Variants in UTP4 observed in about 807,000 individuals in gnomAD.
The protein encoded by UTP4 is U3 small nucleolar RNA-associated protein 4 homolog.
Under a neutral mutation model 82.4 loss-of-function variants are expected in UTP4, and 45 were observed. That is an observed-to-expected ratio of 0.55 (90% CI 0.43 to 0.70). The LOEUF is 0.70. Ranked by LOEUF, UTP4 falls within the 30% of genes least tolerant of loss-of-function variation. The pLI is 0.00. For synonymous variants in UTP4, 348 were observed against 300.3 expected (o/e 1.16, Z -1.64); for missense variants, 819 against 858.3 (o/e 0.95, Z 0.57).
chr16:69,143,438 G>A (rs767200504), intron 6 of UTP4, 49 bp downstream of exon 6: 1 of 1,549,678 alleles, frequency 6.5e-7, no homozygotes, highest in Non-Finnish European at 8.9e-7. Context: ...CTTGTGGGGT[G>A]AGTTGAGAAA....
chr16:69,161,157 A>T (rs890593413), intron 13 of UTP4, among the ~76,000 whole-genome samples: 1 of 152,178 alleles, frequency 6.6e-6, no homozygotes, highest in Non-Finnish European at 1.5e-5. Context: ...TTGCCTTGTA[A>T]TCTCAAGGTA....
Position 69,154,431 on chromosome 16 carries a change from G to A in UTP4, c.1138G>A (p.Asp380Asn), listed in dbSNP as rs764769648. ...TACTCTTCCACTCTCTAAAAATGCA[G>A]ATCATTTACTGCACCTAAAGACAAA... ...GDTLPLSKNA[D>N]HLLHLKTKGP... The change falls in exon 10 of 17, where the codon GAT becomes AAT. Residue 380 changes from aspartate (D) to asparagine (N), a missense_variant. Physicochemically the swap from Asp to Asn is conservative, Grantham distance 23 (BLOSUM62 1). Coordinates refer to ENST00000314423, the MANE Select transcript of UTP4 (RefSeq NM_032830.3). 5 of 1,613,202 alleles carry A rather than the reference G, an allele frequency of 3.1e-6. No homozygotes were observed. The highest frequency in any genetic ancestry group is 4.2e-6 in the Non-Finnish European group (5 of 1,179,238).
intron 9 of UTP4, 30 bp downstream of exon 9, chr16:69,153,710 G>C (rs778363534): frequency 7.0e-6 from 10 of 1,420,636 alleles, no homozygotes; most frequent in Non-Finnish European, 8.9e-6. Flanking sequence ...TTTTCAATAA[G>C]AAAACTGGAG....
At chr16:69,163,298 C>T (rs1963611345) in intron 14 of UTP4, 120 bp downstream of exon 14, 1 of 821,368 alleles carries the variant, frequency 1.2e-6, no homozygotes. Flanking sequence ...AGGTAGTTTT[C>T]TCCTGTGTGA....
At chr16:69,165,563 G>A (rs748198907) in intron 15 of UTP4, 37 bp downstream of exon 15, 7 of 1,556,200 alleles carry the variant, frequency 4.5e-6, no homozygotes, top group South Asian at 2.2e-5. Flanking sequence ...ATCTTCTTCT[G>A]AATCTTAAAG....
At chr16:69,161,453 A>G (rs1963560143) in intron 13 of UTP4, among the ~76,000 whole-genome samples, 1 of 152,240 alleles carries the variant, frequency 6.6e-6, no homozygotes, top group Admixed American at 6.5e-5. Context: ...CTTGCCTGGC[A>G]TTTAAAGAGT....
intron 2 of UTP4, among the ~76,000 whole-genome samples, chr16:69,136,123 A>C (rs756937720): frequency 3.3e-5 from 5 of 152,286 alleles, no homozygotes; most frequent in Non-Finnish European, 7.3e-5. Context: ...ACTTTTGGCA[A>C]CCTACTTAAC....
intron 8 of UTP4, among the ~76,000 whole-genome samples, chr16:69,152,043 T>C (rs1039691889): frequency 1.3e-5 from 2 of 150,918 alleles, no homozygotes; most frequent in African/African-American, 4.9e-5. Context: ...AACAGCTCTA[T>C]TGAGGCATAC....
intron 13 of UTP4, among the ~76,000 whole-genome samples, chr16:69,162,711 CAA>C (rs61078750): frequency 3.3e-4 from 33 of 100,378 alleles, no homozygotes; most frequent in Non-Finnish European, 3.7e-4. Context: ...AACTCCATCT[CAA>C]AAAAAAAAAA....
At chr16:69,161,641 G>A (rs912145381) in intron 13 of UTP4, among the ~76,000 whole-genome samples, 1 of 152,156 alleles carries the variant, frequency 6.6e-6, no homozygotes, top group Non-Finnish European at 1.5e-5. Context: ...CTCCACAAAC[G>A]CTGTTAGTTT....
chr16:69,156,057 G>A (rs1963403614), intron 11 of UTP4, 64 bp downstream of exon 11: 1 of 1,544,444 alleles, frequency 6.5e-7, no homozygotes, highest in Non-Finnish European at 8.9e-7. Context: ...ATTTTTGTGT[G>A]AAGTGGAAAT....
At chr16:69,143,426 C>T (rs1567603048) in intron 6 of UTP4, 37 bp downstream of exon 6, 1 of 1,580,968 alleles carries the variant, frequency 6.3e-7, no homozygotes, top group South Asian at 1.1e-5. Flanking sequence ...TTGATGTACA[C>T]CCTTGTGGGG....
intron 14 of UTP4, 59 bp from the exon 15 acceptor site, chr16:69,165,282 T>C: frequency 7.1e-7 from 1 of 1,413,476 alleles, no homozygotes; most frequent in Non-Finnish European, 1.0e-6. Context: ...GGGATGAGAA[T>C]GCCCTTCTGG....
At chr16:69,157,541 A>G (rs1213741827) in intron 12 of UTP4, among the ~76,000 whole-genome samples, 2 of 152,216 alleles carry the variant, frequency 1.3e-5, no homozygotes, top group Non-Finnish European at 2.9e-5. Context: ...AGTCATTTGC[A>G]ATCCTGACAC....
At chr16:69,154,167 G>C (rs1208595625) in intron 9 of UTP4, among the ~76,000 whole-genome samples, 1 of 152,124 alleles carries the variant, frequency 6.6e-6, no homozygotes, top group African/African-American at 2.4e-5. Context: ...CTATGGACTA[G>C]AGCTTCAGGG....
At chr16:69,146,767 C>T (rs555778011) in intron 6 of UTP4, among the ~76,000 whole-genome samples, 294 of 151,576 alleles carry the variant, frequency 1.9e-3, no homozygotes, top group African/African-American at 2.3e-3. Context: ...GAGGCCGAGG[C>T]GGGTGGATCA....
At chr16:69,167,300 C>G in intron 16 of UTP4, 115 bp downstream of exon 16, 4 of 740,526 alleles carry the variant, frequency 5.4e-6, no homozygotes, top group Non-Finnish European at 9.5e-6. Flanking sequence ...GAGAACCTGG[C>G]TTGTGGGAGA....
At chr16:69,156,446 G>A (rs1478934922) in intron 11 of UTP4, among the ~76,000 whole-genome samples, 6 of 143,130 alleles carry the variant, frequency 4.2e-5, no homozygotes, top group Admixed American at 3.5e-4. Flanking sequence ...TTACAGGCGT[G>A]AGCCACCGCA....
intron 8 of UTP4, among the ~76,000 whole-genome samples, chr16:69,152,301 T>C (rs1233309982): frequency 6.6e-6 from 1 of 151,934 alleles, no homozygotes; most frequent in Non-Finnish European, 1.5e-5. Flanking sequence ...TTTTTGTTTT[T>C]TTGAGACAAG....
Sources: allele counts gnomAD v4.1 joint callset (sites outside exome capture counted in the v4.1 genomes callset), GRCh38; gene constraint gnomAD v4.1.1; transcripts MANE v1.5; gene names NCBI Gene and HGNC (gene_info 2026-07-23, HGNC 2026-07-21).